IQCH: variants seen among roughly 807,000 people sequenced by gnomAD.
IQCH encodes the protein IQ domain-containing protein H.
IQCH carries 98 observed loss-of-function variants against 117.0 expected under a neutral mutation model. That is an observed-to-expected ratio of 0.84 (90% CI 0.71 to 0.99). The LOEUF (loss-of-function observed/expected upper bound fraction) is 0.99, where lower values mean the gene tolerates loss of function less well. Among genes scored for constraint, IQCH ranks in the 50% least tolerant of loss-of-function variants. The pLI, the probability that IQCH is intolerant of heterozygous loss-of-function variation, is 0.00. For missense variants in IQCH, 1,102 were observed against 1,243.8 expected (o/e 0.89, Z 1.72); for synonymous variants, 412 against 448.2 (o/e 0.92, Z 1.02).
In IQCH at chr15:67,416,966, G is replaced by A. The variant is rs767820495; in HGVS notation, c.2133G>A (p.Ala711=). The A allele has an allele frequency of 3.3e-5, 53 of 1,605,194 alleles. No individual in the cohort carries two copies. Among genetic ancestry groups the A allele is most frequent in the Non-Finnish European group, 4.2e-5 (49 of 1,176,064 alleles). ...PALVKISEEL[A]GILAQHAQPV... is the part of the protein sequence containing the mutation. ...TGGTGAAGATCTCTGAGGAGCTGGC[G>A]GGCATTTTAGCACAGCACGCACAGC... The change falls in exon 15 of 21, where the codon GCG becomes GCA. Residue 711 remains alanine, a synonymous_variant. Coordinates refer to ENST00000335894, the MANE Select transcript of IQCH (RefSeq NM_001031715.3). This position sits in a 1 kb window ranked among gnomAD's most constrained non-coding sequence, Gnocchi z 5.1.
At chr15:67,455,071 T>C (rs980926851) in intron 16 of IQCH, among the ~76,000 whole-genome samples, 2 of 152,202 alleles carry the variant, frequency 1.3e-5, no homozygotes, top group South Asian at 2.1e-4. Context: ...ACACTTGTTA[T>C]TGGTTTTTTA....
intron 4 of IQCH, among the ~76,000 whole-genome samples, chr15:67,297,014 A>T (rs562317085): frequency 1.3e-5 from 2 of 152,266 alleles, no homozygotes; most frequent in East Asian, 1.9e-4. Flanking sequence ...GATTGGCCAC[A>T]TCTGAATAGA....
chr15:67,351,242 C>T (rs1306979209), intron 6 of IQCH, among the ~76,000 whole-genome samples: 1 of 151,960 alleles, frequency 6.6e-6, no homozygotes, highest in South Asian at 2.1e-4. Flanking sequence ...CCTCCTGCTT[C>T]CCCCCACCCC....
At chr15:67,345,732 A>G (rs1969358724) in intron 6 of IQCH, among the ~76,000 whole-genome samples, 1 of 152,256 alleles carries the variant, frequency 6.6e-6, no homozygotes, top group Non-Finnish European at 1.5e-5. Context: ...CATGATGACT[A>G]AATACAATGA....
intron 8 of IQCH, chr15:67,371,571 C>T: frequency 8.1e-7 from 1 of 1,233,034 alleles, no homozygotes; most frequent in East Asian, 2.4e-5. Flanking sequence ...GTAAAAATGA[C>T]CTCTGGATAT....
intron 8 of IQCH, among the ~76,000 whole-genome samples, chr15:67,363,639 A>G (rs1384717714): frequency 6.6e-6 from 1 of 152,160 alleles, no homozygotes; most frequent in Non-Finnish European, 1.5e-5. Flanking sequence ...GATTTGGTGT[A>G]CAGATTATTT....
rs149243125 is a variant in IQCH, at chr15:67,264,450, A to G, written c.269+1234A>G. 1.9e-3 allele frequency among the ~76,000 whole-genome samples: 283 copies of G among 152,316 alleles called. 4 individuals are homozygous for G. Among genetic ancestry groups the G allele is most frequent in the African/African-American group, 6.6e-3 (276 of 41,572 alleles). On this transcript the variant is annotated intron_variant, in intron 3 of 20. Coordinates refer to ENST00000335894, the MANE Select transcript of IQCH (RefSeq NM_001031715.3). ...GGCAATCTCATCTGAAAACTTGACAATGGGTGGAAGGACAGGGAAAGATCT... is the reference window on the plus strand; with the variant it reads ...GGCAATCTCATCTGAAAACTTGACAGTGGGTGGAAGGACAGGGAAAGATCT...
At position 67,473,004 on chromosome 15, in the gene IQCH, G is replaced by A. The variant is rs1425247133; in HGVS notation, c.2677-2692G>A. 6.6e-6 allele frequency among the ~76,000 whole-genome samples: 1 copy of A among 152,200 alleles called. No individual in the cohort carries two copies. The highest frequency in any genetic ancestry group is 1.5e-5 in the Non-Finnish European group (1 of 68,036). On this transcript the variant is annotated intron_variant, in intron 17 of 20. Coordinates refer to ENST00000335894, the MANE Select transcript of IQCH (RefSeq NM_001031715.3). This position sits in a 1 kb window ranked among gnomAD's most constrained non-coding sequence, Gnocchi z 4.9. The stretch of plus-strand genomic sequence containing the variant: ...CTCTTCTGCTGTGCTTTGGAGCCAA[G>A]ATACATAGTATTGCTAGATTGTGCT...
At position 67,384,929 on chromosome 15, in the gene IQCH, C is replaced by T; in HGVS notation, c.1373-7C>T. 6.3e-7 allele frequency: 1 copy of T among 1,596,474 alleles called. No homozygotes were observed. The highest frequency in any genetic ancestry group is 1.3e-5 in the African/African-American group (1 of 74,572). ...TTCTGTGTTTTGACACCTTGTTTGC[C>T]TTTTAGGGTATTCCCAGCCTGTGAG... On this transcript the variant is annotated splice_region_variant and splice_polypyrimidine_tract_variant and intron_variant, in intron 10 of 20. Coordinates refer to ENST00000335894, the MANE Select transcript of IQCH (RefSeq NM_001031715.3). The surrounding 1 kb of genome is among the most constrained non-coding windows in gnomAD (Gnocchi z 4.3).
chr15:67,278,392 T>A (rs1966214793), intron 3 of IQCH, among the ~76,000 whole-genome samples: 1 of 152,206 alleles, frequency 6.6e-6, no homozygotes, highest in South Asian at 2.1e-4. Flanking sequence ...AATTTTTAAC[T>A]CTCAAGCTAG....
rs1450436625 is a variant in IQCH, at chr15:67,291,330, A to G, written c.387+11818A>G. Among the ~76,000 whole-genome samples the G allele has an allele frequency of 2.0e-5, 3 of 152,182 alleles. No homozygotes were observed. In the East Asian group the frequency reaches 5.8e-4, roughly 29 times the overall value. On this transcript the variant is annotated intron_variant, in intron 4 of 20. Transcript: ENST00000335894. The stretch of plus-strand genomic sequence containing the variant: ...TACCTGGCACATGGTAAAGTGCTCA[A>G]TTATGGGTATTATTATGATTATTAA...
Position 67,499,677 on chromosome 15 carries a change from T to C in IQCH, c.2971-956T>C, listed in dbSNP as rs79249487. On this transcript the variant is annotated intron_variant, in intron 20 of 20. Coordinates refer to ENST00000335894, the MANE Select transcript of IQCH (RefSeq NM_001031715.3). ...ATGTTAATAGAAGGAATATTCATAATAGCCAAAAATTAGAAACAACCCAAG... is the reference window on the plus strand; with the variant it reads ...ATGTTAATAGAAGGAATATTCATAACAGCCAAAAATTAGAAACAACCCAAG... 7.8e-3 allele frequency among the ~76,000 whole-genome samples: 1,189 copies of C among 152,052 alleles called. 12 individuals carry two copies. Among genetic ancestry groups the C allele is most frequent in the African/African-American group, 0.025 (1,053 of 41,348 alleles).
rs1463932395 is a variant in IQCH at position 67,416,901 on chromosome 15, C to T, written c.2098-30C>T. 1.3e-6 allele frequency: 2 copies of T among 1,531,900 alleles called. No individual in the cohort carries two copies. Among genetic ancestry groups the T allele is most frequent in the Non-Finnish European group, 1.8e-6 (2 of 1,140,318 alleles). 94.9% of individuals were successfully genotyped at this position (1,531,900 alleles called of 1,614,324 possible). On this transcript the variant is annotated intron_variant, in intron 14 of 20. Coordinates refer to ENST00000335894, the MANE Select transcript of IQCH (RefSeq NM_001031715.3). The surrounding 1 kb of genome is among the most constrained non-coding windows in gnomAD (Gnocchi z 5.1). ...AGTTTTCATTTCTGTAGTAAAATTG[C>T]TTGTGGTTCTATTTAATTTGTTTCT... is the stretch of plus-strand genomic sequence containing the variant.
At chr15:67,339,672 A>C (rs1425543524) in intron 5 of IQCH, among the ~76,000 whole-genome samples, 1 of 152,206 alleles carries the variant, frequency 6.6e-6, no homozygotes, top group Admixed American at 6.5e-5. Flanking sequence ...GCTTATTCTA[A>C]AACTTAAAAA....
chr15:67,397,759 C>A (rs1202538833), intron 13 of IQCH, among the ~76,000 whole-genome samples: 1 of 116,498 alleles, frequency 8.6e-6, no homozygotes, highest in Non-Finnish European at 1.8e-5. Flanking sequence ...TTTATTACAT[C>A]TTTTGAACAG....
chr15:67,274,904 A>G (rs1054684659), intron 3 of IQCH, among the ~76,000 whole-genome samples: 7 of 152,094 alleles, frequency 4.6e-5, no homozygotes, highest in African/African-American at 1.4e-4. Flanking sequence ...TTTGTGTCAA[A>G]TCTAATAAAG....
chr15:67,409,895 CAATT>C (rs1013207025), intron 14 of IQCH, among the ~76,000 whole-genome samples: 2 of 152,224 alleles, frequency 1.3e-5, no homozygotes, highest in African/African-American at 2.4e-5. Flanking sequence ...TTTAAATTCT[CAATT>C]AACAATTAAA....
At chr15:67,276,795 A>G (rs113384237) in intron 3 of IQCH, among the ~76,000 whole-genome samples, 230 of 152,112 alleles carry the variant, frequency 1.5e-3, no homozygotes, top group Non-Finnish European at 3.0e-3. Context: ...GTATAGGTGT[A>G]GGGTTTTGTT....
intron 8 of IQCH, among the ~76,000 whole-genome samples, chr15:67,367,585 AAC>A (rs765450494): frequency 3.6e-4 from 55 of 152,122 alleles, no homozygotes; most frequent in Non-Finnish European, 7.2e-4. Flanking sequence ...AAAAGAAAAA[AAC>A]AGCAGATCAA....
Sources: gnomAD v4.1 joint callset for allele counts (sites outside exome capture counted in the v4.1 genomes callset) on GRCh38, gnomAD v4.1.1 for gene constraint, Gnocchi (gnomAD v3.1) non-coding constraint, MANE v1.5 for transcripts, NCBI Gene and HGNC (gene_info 2026-07-23, HGNC 2026-07-21) for gene names.